DAAM2: variants seen among roughly 807,000 people sequenced by gnomAD.
DAAM2 encodes dishevelled associated activator of morphogenesis 2, also known as disheveled-associated activator of morphogenesis 2.
DAAM2 carries 39 observed loss-of-function variants against 120.7 expected under a neutral mutation model. The ratio of observed to expected loss-of-function variants is 0.32; its 90% CI spans 0.25 to 0.42. The LOEUF (loss-of-function observed/expected upper bound fraction) is 0.42, where lower values mean the gene tolerates loss of function less well. Ranked by LOEUF, DAAM2 falls within the 10% of genes least tolerant of loss-of-function variation. The pLI is 1.00. For synonymous variants in DAAM2, 488 were observed against 524.9 expected, an observed-to-expected ratio of 0.93 and a Z score of 0.96; for missense variants, 1,283 against 1,401.7, an observed-to-expected ratio of 0.92 and a Z score of 1.35.
At chr6:39,856,178 C>T (rs1372774758) in intron 1 of DAAM2, 69 bp from the exon 2 acceptor site, 4 of 1,292,726 alleles carry the variant, frequency 3.1e-6, no homozygotes, top group Non-Finnish European at 3.9e-6. Context: ...GTTATGAAGG[C>T]AGAGTGACCT....
rs1018429046 is a variant in DAAM2 at position 39,903,453 on chromosome 6, C to G, written c.*1416C>G. 6.6e-6 allele frequency: 1 copy of G among 152,260 alleles called. No homozygotes were observed. The highest frequency in any genetic ancestry group is 2.4e-5 in the African/African-American group (1 of 41,476). The allele number at this position is 152,260 out of a possible 1,614,324, so 9.4% of individuals were successfully genotyped here. Reference sequence around the variant, plus strand: ...TTCCATTTTGTCCATCTCATGCTGGCCTTGGTGGATGGGATGGCTGTATCT... The same window carrying G: ...TTCCATTTTGTCCATCTCATGCTGGGCTTGGTGGATGGGATGGCTGTATCT... On this transcript the variant is annotated 3_prime_UTR_variant, in exon 25 of 25. Coordinates refer to ENST00000274867, the MANE Select transcript of DAAM2 (RefSeq NM_001201427.2).
In DAAM2 at chr6:39,860,964, A is replaced by G. The variant is rs1224075166; in HGVS notation, c.205A>G (p.Met69Val). 3.1e-6 allele frequency: 5 copies of G among 1,613,272 alleles called. No homozygotes were observed. In the South Asian group the frequency reaches 3.3e-5, roughly 11 times the overall value. The change falls in exon 3 of 25, where the codon ATG (methionine) becomes GTG (valine). Residue 69 changes from methionine to valine, a missense_variant. Transcript: ENST00000274867. ...LDLTDKNREAMFALPPEKKWQ... is the reference protein window; with the variant it reads ...LDLTDKNREAVFALPPEKKWQ... Reference sequence around the variant, plus strand: ...TCTCACTGACAAAAACCGAGAGGCTATGTTTGCACTGCCCCCTGAGAAGAA... The same window carrying G: ...TCTCACTGACAAAAACCGAGAGGCTGTGTTTGCACTGCCCCCTGAGAAGAA...
intron 23 of DAAM2, among the ~76,000 whole-genome samples, chr6:39,900,871 A>ATT (rs1308132060): frequency 6.6e-6 from 1 of 152,174 alleles, no homozygotes; most frequent in Non-Finnish European, 1.5e-5. Context: ...CCACCAACTC[A>ATT]TCTAACCCCC....
chr6:39,802,121 C>T (rs908677179), intron 1 of DAAM2, among the ~76,000 whole-genome samples: 16 of 152,238 alleles, frequency 1.1e-4, no homozygotes, highest in African/African-American at 3.4e-4. Context: ...TAGTTAGGAA[C>T]TGCTCGGCCC....
Position 39,896,946 on chromosome 6 carries a change from A to G in DAAM2, c.2476A>G (p.Asn826Asp). The G allele has an allele frequency of 6.2e-7, 1 of 1,612,756 alleles. No homozygotes were observed. Among genetic ancestry groups the G allele is most frequent in the Non-Finnish European group, 8.5e-7 (1 of 1,179,358 alleles). ...GAYGFRVASL[N>D]KIADTKSSID... is the part of the protein sequence containing the mutation. Reference sequence around the variant, plus strand: ...CTACGGGTTCCGGGTGGCCAGCCTCAACAAGATCGCTGACACCAAGTCCAG... The same window carrying G: ...CTACGGGTTCCGGGTGGCCAGCCTCGACAAGATCGCTGACACCAAGTCCAG... Residue 826 changes from asparagine to aspartate, a missense_variant, in exon 20 of 25, where the codon AAC (asparagine) becomes GAC (aspartate). Asn to Asp is a conservative substitution (Grantham distance 23, BLOSUM62 1). Coordinates refer to ENST00000274867, the MANE Select transcript of DAAM2 (RefSeq NM_001201427.2).
chr6:39,898,165 T>C (rs1766233506), intron 21 of DAAM2, among the ~76,000 whole-genome samples: 1 of 152,206 alleles, frequency 6.6e-6, no homozygotes, highest in East Asian at 1.9e-4. Flanking sequence ...CTTAACCCCA[T>C]GAGGAATTCT....
At position 39,878,559 on chromosome 6, in the gene DAAM2, G is replaced by C; in HGVS notation, c.1516G>C (p.Glu506Gln). Residue 506 changes from glutamate to glutamine, a missense_variant, in exon 13 of 25, where the codon GAG becomes CAG. Glu to Gln is a conservative substitution (Grantham distance 29). Around this residue, in one of 3 missense-constraint regions of DAAM2, gnomAD observed 748 missense variants for 768.6 expected, o/e 0.97. Coordinates refer to ENST00000274867, the MANE Select transcript of DAAM2 (RefSeq NM_001201427.2). The surrounding 1 kb of genome is among the most constrained non-coding windows in gnomAD (Gnocchi z 5.0). ...GCGCCAGGCTCGGGGACAAGTGGCAGAGCTGGTAGCCCAGCTCAGTGAACT... is the reference window on the plus strand; with the variant it reads ...GCGCCAGGCTCGGGGACAAGTGGCACAGCTGGTAGCCCAGCTCAGTGAACT... ...ELRQARGQVAELVAQLSELST... is the reference protein window; with the variant it reads ...ELRQARGQVAQLVAQLSELST... 10 of 1,608,312 alleles carry C rather than the reference G, an allele frequency of 6.2e-6. No individual in the cohort carries two copies. Among genetic ancestry groups the C allele is most frequent in the Non-Finnish European group, 8.5e-6 (10 of 1,177,508 alleles).
intron 1 of DAAM2, chr6:39,822,985 G>A (rs770106439): frequency 6.6e-6 from 1 of 152,102 alleles, no homozygotes; most frequent in Non-Finnish European, 1.5e-5. Flanking sequence ...GCTTTTCCTT[G>A]AGAAATGTTT....
chr6:39,879,111 T>C, intron 13 of DAAM2, 67 bp from the exon 14 acceptor site: 2 of 1,011,676 alleles, frequency 2.0e-6, no homozygotes, highest in Non-Finnish European at 2.9e-6. Context: ...AGAGGAATCA[T>C]GGTGGGAGAC....
intron 1 of DAAM2, among the ~76,000 whole-genome samples, chr6:39,808,841 C>T (rs1411085058): frequency 6.6e-6 from 1 of 152,228 alleles, no homozygotes; most frequent in Non-Finnish European, 1.5e-5. Context: ...TTGGGGGTGG[C>T]TTTCCTCTCT....
intron 1 of DAAM2, chr6:39,820,968 T>C (rs1762469301): frequency 6.6e-6 from 1 of 152,204 alleles, no homozygotes; most frequent in Admixed American, 6.5e-5. Context: ...TGAGTTCCCT[T>C]GGGGAAGGGT....
At chr6:39,884,193 CCCCTT>C (rs1765267774) in intron 15 of DAAM2, 124 bp downstream of exon 15, 2 of 622,708 alleles carry the variant, frequency 3.2e-6, no homozygotes, top group East Asian at 5.5e-5. Context: ...CCTCCATCTT[CCCCTT>C]CCCTTCCTTC....
chr6:39,815,769 T>C (rs1453075105), intron 1 of DAAM2, among the ~76,000 whole-genome samples: 2 of 152,132 alleles, frequency 1.3e-5, no homozygotes, highest in African/African-American at 2.4e-5. Flanking sequence ...CAATTCAGAA[T>C]TGAGCACTGG....
intron 1 of DAAM2, among the ~76,000 whole-genome samples, chr6:39,850,427 C>T (rs1763765860): frequency 6.6e-6 from 1 of 152,154 alleles, no homozygotes; most frequent in Non-Finnish European, 1.5e-5. Context: ...CTCTAACTCT[C>T]CTTGTTGTCA....
At chr6:39,838,956 G>A (rs1292240046) in intron 1 of DAAM2, among the ~76,000 whole-genome samples, 1 of 147,958 alleles carries the variant, frequency 6.8e-6, no homozygotes, top group African/African-American at 2.6e-5. Context: ...ACCGTGCCTG[G>A]CCAGGACTTT....
chr6:39,884,678 C>A, intron 15 of DAAM2: 1 of 153,634 alleles, frequency 6.5e-6, no homozygotes, highest in South Asian at 1.9e-4. Context: ...GGATATTGCT[C>A]TCAAGGCTCT....
intron 1 of DAAM2, among the ~76,000 whole-genome samples, chr6:39,827,782 A>T (rs999751598): frequency 6.6e-6 from 1 of 152,140 alleles, no homozygotes; most frequent in African/African-American, 2.4e-5. Flanking sequence ...TCACAAACCC[A>T]GTTTCAGAAT....
intron 1 of DAAM2, among the ~76,000 whole-genome samples, chr6:39,855,612 C>T (rs1763968352): frequency 6.6e-6 from 1 of 152,234 alleles, no homozygotes; most frequent in South Asian, 2.1e-4. Flanking sequence ...GATCAGTGAA[C>T]CACTGCCTGT....
chr6:39,883,649 T>C (rs930870193), intron 14 of DAAM2: 8 of 292,010 alleles, frequency 2.7e-5, no homozygotes, highest in Non-Finnish European at 5.2e-5. Context: ...ACTTTGCTTT[T>C]GGAAAAAGTG....
Sources: gnomAD v4.1 joint callset for allele counts (sites outside exome capture counted in the v4.1 genomes callset) on GRCh38, gnomAD v4.1.1 for gene constraint, gnomAD v4.1.1 regional missense constraint, Gnocchi (gnomAD v3.1) non-coding constraint, MANE v1.5 for transcripts, NCBI Gene and HGNC (gene_info 2026-07-23, HGNC 2026-07-21) for gene names.